Variants in ATXN10 observed in about 807,000 individuals in gnomAD.
ATXN10 encodes ataxin-10.
ATXN10 carries 28 observed loss-of-function variants against 52.9 expected under a neutral mutation model. The observed-to-expected ratio is 0.53, with a 90% confidence interval of 0.39 to 0.73. The LOEUF (loss-of-function observed/expected upper bound fraction) is 0.73, where lower values mean the gene tolerates loss of function less well. ATXN10 is among the 30% of genes least tolerant of loss of function. ATXN10 has a pLI of 0.00. For synonymous variants in ATXN10, 226 were observed against 221.5 expected (o/e 1.02, Z -0.18); for missense variants, 565 against 577.0 (o/e 0.98, Z 0.21).
In ATXN10 at chr22:45,754,204, T is replaced by C. The variant is rs1206701544; in HGVS notation, c.1173+13666T>C. On this transcript the variant is annotated intron_variant, in intron 9 of 11. Transcript: ENST00000252934. This position sits in a 1 kb window ranked among gnomAD's most constrained non-coding sequence, Gnocchi z 5.4. ...GTGGGCTCCAGCAGCTTGGCACGTG[T>C]ACCTTCGTGGTGCATGGGAAATTTT... Among the ~76,000 whole-genome samples the C allele has an allele frequency of 1.3e-5, 2 of 152,252 alleles. No homozygotes were observed. Among genetic ancestry groups the C allele is most frequent in the East Asian group, 1.9e-4 (1 of 5,198 alleles).
At position 45,833,502 on chromosome 22, in the gene ATXN10, T is replaced by C. The variant is rs933696031; in HGVS notation, c.1238-9489T>C. On this transcript the variant is annotated intron_variant, in intron 10 of 11. Coordinates refer to ENST00000252934, the MANE Select transcript of ATXN10 (RefSeq NM_013236.4). The surrounding 1 kb of genome is among the most constrained non-coding windows in gnomAD (Gnocchi z 4.3). ...CTTAGAACTATTTTTGATCCTTGGC[T>C]GTACTTCATTAATTTTGAAATATCA... Among the ~76,000 whole-genome samples the C allele has an allele frequency of 2.6e-5, 4 of 152,248 alleles. No individual in the cohort carries two copies. Among genetic ancestry groups the C allele is most frequent in the African/African-American group, 9.6e-5 (4 of 41,464 alleles).
intron 9 of ATXN10, among the ~76,000 whole-genome samples, chr22:45,748,806 A>G (rs1355345326): frequency 1.3e-5 from 2 of 152,222 alleles, no homozygotes; most frequent in African/African-American, 2.4e-5. Flanking sequence ...AAATTCATAA[A>G]TCAAACTGTC....
At chr22:45,707,471 A>G (rs1924086181) in intron 5 of ATXN10, among the ~76,000 whole-genome samples, 1 of 152,174 alleles carries the variant, frequency 6.6e-6, no homozygotes, top group Non-Finnish European at 1.5e-5. Context: ...GTAACATGAC[A>G]GGATCAATCA....
intron 1 of ATXN10, chr22:45,672,522 C>T (rs1922504749): frequency 6.4e-6 from 1 of 157,196 alleles, no homozygotes; most frequent in African/African-American, 2.4e-5. Context: ...CAGGCCCTGG[C>T]TGCAAGACCC....
chr22:45,780,017 C>CT lies in ATXN10; in HGVS notation c.1174-26941dup, dbSNP rs1471427266. Among the ~76,000 whole-genome samples the CT allele has an allele frequency of 2.5e-4, 38 of 152,176 alleles. No individual in the cohort carries two copies. Among genetic ancestry groups the CT allele is most frequent in the African/African-American group, 8.4e-4 (35 of 41,526 alleles). On this transcript the variant is annotated intron_variant, in intron 9 of 11. Transcript: ENST00000252934. This position sits in a 1 kb window ranked among gnomAD's most constrained non-coding sequence, Gnocchi z 4.0. ...CATTTGAAGTTAATGTTTTTAATAT[C>CT]TAAGTATTCTACATTCGTGAAATTC...
chr22:45,791,305 A>G (rs529457018), intron 9 of ATXN10, among the ~76,000 whole-genome samples: 2 of 152,266 alleles, frequency 1.3e-5, no homozygotes, highest in South Asian at 2.1e-4. Flanking sequence ...TTAAACAAAG[A>G]CCTTTTAAAA....
In ATXN10 at chr22:45,843,029, A is replaced by C. The variant is rs371732879; in HGVS notation, c.1276A>C (p.Thr426Pro). The C allele has an allele frequency of 6.2e-7, 1 of 1,614,076 alleles. No homozygotes were observed. Among genetic ancestry groups the C allele is most frequent in the African/African-American group, 1.3e-5 (1 of 74,928 alleles). The change falls in exon 11 of 12, where the codon ACC becomes CCC. Residue 426 changes from threonine to proline, a missense_variant. Transcript: ENST00000252934. This position sits in a 1 kb window ranked among gnomAD's most constrained non-coding sequence, Gnocchi z 4.5. ...QWVIYAIRNL[T>P]EDNSQNQDLI... ...GGTGATATATGCCATCCGAAACCTT[A>C]CCGAAGACAACAGCCAAAACCAAGA... is the stretch of plus-strand genomic sequence containing the variant.
At chr22:45,720,203 CTTTT>C (rs1274927490) in intron 6 of ATXN10, among the ~76,000 whole-genome samples, 1 of 152,000 alleles carries the variant, frequency 6.6e-6, no homozygotes, top group Admixed American at 6.6e-5. Context: ...TATTTATTCT[CTTTT>C]TTGTCACAGC....
rs1371802611 is a variant in ATXN10, at chr22:45,781,390, C to T, written c.1174-25569C>T. 6.6e-6 allele frequency among the ~76,000 whole-genome samples: 1 copy of T among 152,156 alleles called. No homozygotes were observed. Among genetic ancestry groups the T allele is most frequent in the Non-Finnish European group, 1.5e-5 (1 of 68,032 alleles). ...CCCAGCAGTAGTGAGGCACCCCTCT[C>T]TCCCCGGGTGTCAAAGGAGGTTGAG... is the stretch of plus-strand genomic sequence containing the variant. On this transcript the variant is annotated intron_variant, in intron 9 of 11. Coordinates refer to ENST00000252934, the MANE Select transcript of ATXN10 (RefSeq NM_013236.4). This position sits in a 1 kb window ranked among gnomAD's most constrained non-coding sequence, Gnocchi z 4.2.
intron 3 of ATXN10, among the ~76,000 whole-genome samples, chr22:45,693,928 T>C (rs1316704586): frequency 2.0e-5 from 3 of 152,202 alleles, no homozygotes; most frequent in Non-Finnish European, 2.9e-5. Context: ...TAAATGTCTG[T>C]TGTTTAAGCC....
chr22:45,737,233 C>T (rs1925332087), intron 7 of ATXN10, among the ~76,000 whole-genome samples: 1 of 152,182 alleles, frequency 6.6e-6, no homozygotes, highest in Non-Finnish European at 1.5e-5. Context: ...GTTTCTGATT[C>T]CGAATTTCTG....
chr22:45,752,212 C>G (rs1490788511), intron 9 of ATXN10, among the ~76,000 whole-genome samples: 1 of 152,126 alleles, frequency 6.6e-6, no homozygotes, highest in Non-Finnish European at 1.5e-5. Flanking sequence ...TGCTGTGTAC[C>G]AGCCAGTATT....
In ATXN10 at chr22:45,824,699, G is replaced by A. The variant is rs1331560527; in HGVS notation, c.1237+17677G>A. Among the ~76,000 whole-genome samples the A allele has an allele frequency of 1.3e-5, 2 of 152,214 alleles. No homozygotes were observed. Among genetic ancestry groups the A allele is most frequent in the African/African-American group, 4.8e-5 (2 of 41,452 alleles). On this transcript the variant is annotated intron_variant, in intron 10 of 11. Transcript: ENST00000252934. The surrounding 1 kb of genome is among the most constrained non-coding windows in gnomAD (Gnocchi z 5.2). The stretch of plus-strand genomic sequence containing the variant: ...ATGGTGGCAGCTAGAAAACAAATTT[G>A]TATTGATAACTGAATTGATAGAGGT...
rs904607580 is a variant in ATXN10 at position 45,708,571 on chromosome 22, G to A, written c.647+5724G>A. On this transcript the variant is annotated intron_variant, in intron 5 of 11. Coordinates refer to ENST00000252934, the MANE Select transcript of ATXN10 (RefSeq NM_013236.4). This position sits in a 1 kb window ranked among gnomAD's most constrained non-coding sequence, Gnocchi z 5.3. The stretch of plus-strand genomic sequence containing the variant: ...CATGTCATGTGTTATGAAAATTACC[G>A]ATTTTCAGAGAGGAGGTCTGCATTT... Among the ~76,000 whole-genome samples the A allele has an allele frequency of 6.6e-5, 10 of 152,126 alleles. No individual in the cohort carries two copies. Among genetic ancestry groups the A allele is most frequent in the Non-Finnish European group, 1.2e-4 (8 of 68,014 alleles).
chr22:45,740,552 TTAG>T lies in ATXN10; in HGVS notation c.1173+17_1173+19del. 1.9e-6 allele frequency: 3 copies of T among 1,610,266 alleles called. No homozygotes were observed. The highest frequency in any genetic ancestry group is 1.7e-4 in the Middle Eastern group (1 of 6,056). ...AACCAAGACAAGGTAAGAGGATTTC[TTAG>T]TATGTATTATACATGTATGGCTTCA... On this transcript the variant is annotated intron_variant, in intron 9 of 11. Coordinates refer to ENST00000252934, the MANE Select transcript of ATXN10 (RefSeq NM_013236.4).
intron 9 of ATXN10, among the ~76,000 whole-genome samples, chr22:45,773,485 G>A (rs1440286402): frequency 2.7e-5 from 4 of 148,578 alleles, no homozygotes; most frequent in African/African-American, 1.0e-4. Flanking sequence ...TGAGATAGGT[G>A]TCTCGCTCTG....
rs1328327520 is a variant in ATXN10 at position 45,712,705 on chromosome 22, A to G, written c.648-5708A>G. ...TCTATTTATATATTTTTCAGATTAT[A>G]ACTCATTTTCTTCTAGTAGAGGAAG... is the stretch of plus-strand genomic sequence containing the variant. On this transcript the variant is annotated intron_variant, in intron 5 of 11. Coordinates refer to ENST00000252934, the MANE Select transcript of ATXN10 (RefSeq NM_013236.4). The surrounding 1 kb of genome is among the most constrained non-coding windows in gnomAD (Gnocchi z 4.6). Among the ~76,000 whole-genome samples the G allele has an allele frequency of 6.6e-6, 1 of 152,208 alleles. No homozygotes were observed. The highest frequency in any genetic ancestry group is 6.5e-5 in the Admixed American group (1 of 15,288).
intron 10 of ATXN10, among the ~76,000 whole-genome samples, chr22:45,821,728 C>T (rs909469995): frequency 6.6e-6 from 1 of 152,128 alleles, no homozygotes. Context: ...TGCTGTCTAC[C>T]TGATGCAACC....
rs572005199 is a variant in ATXN10 at position 45,772,853 on chromosome 22, A to T, written c.1173+32315A>T. ...GGACCCCTGTGGCTACCAAAAATAG[A>T]TGTTGAAGTCCCTGATACAAAATGG... On this transcript the variant is annotated intron_variant, in intron 9 of 11. Coordinates refer to ENST00000252934, the MANE Select transcript of ATXN10 (RefSeq NM_013236.4). The surrounding 1 kb of genome is among the most constrained non-coding windows in gnomAD (Gnocchi z 4.1). 1.1e-3 allele frequency among the ~76,000 whole-genome samples: 175 copies of T among 152,242 alleles called. No homozygotes were observed. Among genetic ancestry groups the T allele is most frequent in the Non-Finnish European group, 2.2e-3 (147 of 68,040 alleles).
Sources: gnomAD v4.1 joint callset for allele counts (sites outside exome capture counted in the v4.1 genomes callset) on GRCh38, gnomAD v4.1.1 for gene constraint, Gnocchi (gnomAD v3.1) non-coding constraint, MANE v1.5 for transcripts, NCBI Gene and HGNC (gene_info 2026-07-23, HGNC 2026-07-21) for gene names.